Variants in SLC7A8 observed in about 807,000 individuals in gnomAD.
The protein encoded by SLC7A8 is solute carrier family 7 member 8.
Under a neutral mutation model 51.2 loss-of-function variants are expected in SLC7A8, and 30 were observed. That is an observed-to-expected ratio of 0.59 (90% CI 0.44 to 0.80). The LOEUF is 0.80. Ranked by LOEUF, SLC7A8 falls within the 30% of genes least tolerant of loss-of-function variation. The pLI, the probability that SLC7A8 is intolerant of heterozygous loss-of-function variation, is 0.00. For missense variants in SLC7A8, 612 were observed against 674.4 expected (o/e 0.91, Z 1.03); for synonymous variants, 257 against 275.8 (o/e 0.93, Z 0.67).
intron 8 of SLC7A8, among the ~76,000 whole-genome samples, chr14:23,130,479 C>A (rs1230106192): frequency 6.6e-6 from 1 of 152,224 alleles, no homozygotes; most frequent in African/African-American, 2.4e-5. Context: ...ACAAAAGGTT[C>A]TGTTCTCTTG....
At chr14:23,180,072 AT>A (rs1181284855) in intron 1 of SLC7A8, among the ~76,000 whole-genome samples, 7 of 151,718 alleles carry the variant, frequency 4.6e-5, no homozygotes, top group South Asian at 2.1e-4. Context: ...CGCCCGGCTA[AT>A]TTTTTGTATT....
chr14:23,154,004 G>A (rs2048869585), intron 3 of SLC7A8, among the ~76,000 whole-genome samples: 1 of 152,174 alleles, frequency 6.6e-6, no homozygotes, highest in South Asian at 2.1e-4. Flanking sequence ...CAATGCAGAT[G>A]AGTGGGAGAG....
chr14:23,177,791 C>T (rs1876989259), intron 1 of SLC7A8, among the ~76,000 whole-genome samples: 1 of 152,190 alleles, frequency 6.6e-6, no homozygotes, highest in African/African-American at 2.4e-5. Context: ...GGGAATATTA[C>T]TTTCTTCCAC....
intron 1 of SLC7A8, among the ~76,000 whole-genome samples, chr14:23,181,971 A>G (rs572845727): frequency 6.6e-6 from 1 of 152,316 alleles, no homozygotes; most frequent in South Asian, 2.1e-4. Flanking sequence ...CAGGTTCCCC[A>G]CCTTCAGCAC....
intron 4 of SLC7A8, 65 bp downstream of exon 4, chr14:23,143,014 T>C: frequency 6.3e-7 from 1 of 1,585,312 alleles, no homozygotes; most frequent in East Asian, 2.3e-5. Context: ...AAAGCTGGGC[T>C]GAGAGGGTGT....
chr14:23,173,861 G>A lies in SLC7A8; in HGVS notation c.152-7321C>T, dbSNP rs28412256. 8.6e-3 allele frequency among the ~76,000 whole-genome samples: 1,300 copies of A among 151,622 alleles called. 25 individuals carry two copies. Among genetic ancestry groups the A allele is most frequent in the African/African-American group, 0.03 (1,230 of 41,290 alleles). ...CCACTGTGTTGCCCAGGCTGGTCTTGAACTCCTGGATCCAAGTGATCCTCC... is the reference window on the plus strand; with the variant it reads ...CCACTGTGTTGCCCAGGCTGGTCTTAAACTCCTGGATCCAAGTGATCCTCC... On this transcript the variant is annotated intron_variant, in intron 1 of 10. Transcript: ENST00000316902.
At chr14:23,129,487 A>G in intron 9 of SLC7A8, 163 bp downstream of exon 9, 1 of 703,160 alleles carries the variant, frequency 1.4e-6, no homozygotes, top group Non-Finnish European at 2.3e-6. Context: ...GAGAATGGAA[A>G]TAGTGGTCCC....
At chr14:23,164,853 A>G (rs1317149851) in intron 3 of SLC7A8, among the ~76,000 whole-genome samples, 2 of 152,082 alleles carry the variant, frequency 1.3e-5, no homozygotes, top group Non-Finnish European at 2.9e-5. Flanking sequence ...TTAGCCGGGC[A>G]TGGTGGCTCA....
intron 3 of SLC7A8, among the ~76,000 whole-genome samples, chr14:23,161,994 G>A (rs867171355): frequency 5.5e-5 from 8 of 146,012 alleles, no homozygotes; most frequent in Non-Finnish European, 1.0e-4. Context: ...ACTGAATACC[G>A]TATGAGAGGA....
chr14:23,142,331 C>A (rs1049242801), intron 4 of SLC7A8, among the ~76,000 whole-genome samples: 13 of 152,094 alleles, frequency 8.5e-5, no homozygotes, highest in African/African-American at 2.9e-4. Flanking sequence ...TTGGCAGGGG[C>A]CCCGGGAATG....
chr14:23,140,830 G>A (rs148780765), intron 4 of SLC7A8, among the ~76,000 whole-genome samples: 23 of 152,318 alleles, frequency 1.5e-4, no homozygotes, highest in African/African-American at 4.1e-4. Context: ...CGGAAACTAC[G>A]AGTCCAAATG....
rs571307097 is a variant in SLC7A8 at position 23,135,571 on chromosome 14, A to G, written c.1016+2350T>C. Among the ~76,000 whole-genome samples the G allele has an allele frequency of 3.2e-4, 49 of 151,804 alleles. 1 individual carries two copies. The South Asian group carries it at 9.4e-3, about 29-fold the overall frequency. ...CAACAAATTAGCCAGGCGTGGTGGCAGGCGCCTGTAGTCCCAGCTACTCGG... is the reference window on the plus strand; with the variant it reads ...CAACAAATTAGCCAGGCGTGGTGGCGGGCGCCTGTAGTCCCAGCTACTCGG... On this transcript the variant is annotated intron_variant, in intron 7 of 10. Transcript: ENST00000316902.
At chr14:23,173,134 T>C (rs1252533858) in intron 1 of SLC7A8, among the ~76,000 whole-genome samples, 1 of 152,250 alleles carries the variant, frequency 6.6e-6, no homozygotes, top group Non-Finnish European at 1.5e-5. Flanking sequence ...ATACTCACCA[T>C]GTACTAGGTT....
At position 23,183,088 on chromosome 14, in the gene SLC7A8, G is replaced by A. The variant is rs367844430; in HGVS notation, c.-174C>T. On this transcript the variant is annotated 5_prime_UTR_variant, in exon 1 of 11. Transcript: ENST00000316902. Reference sequence around the variant, plus strand: ...AGAACACGAAAAATATTCCTACTCCGCATTCACACTTTCTGGTCACTCGCG... The same window carrying A: ...AGAACACGAAAAATATTCCTACTCCACATTCACACTTTCTGGTCACTCGCG... 4 of 288,492 alleles carry A rather than the reference G, an allele frequency of 1.4e-5. No individual in the cohort carries two copies. The highest frequency in any genetic ancestry group is 7.8e-5 in the African/African-American group (3 of 38,676). 17.9% of individuals were successfully genotyped at this position (288,492 alleles called of 1,614,324 possible). A position where few individuals can be genotyped will look rare whatever the true frequency, so the allele number is the denominator to read the frequency against.
rs2048720984 is a variant in SLC7A8 at position 23,139,419 on chromosome 14, C to G, written c.912+5G>C. ...GTATGAGACTCTGGGACTTTCATTT[C>G]TTACCACAGCGACGGCGTTGGATGC... On this transcript the variant is annotated splice_donor_5th_base_variant and intron_variant, in intron 6 of 10. Coordinates refer to ENST00000316902, the MANE Select transcript of SLC7A8 (RefSeq NM_012244.4). The G allele has an allele frequency of 6.2e-7, 1 of 1,613,948 alleles. No homozygotes were observed. The highest frequency in any genetic ancestry group is 8.5e-7 in the Non-Finnish European group (1 of 1,179,878).
chr14:23,134,582 G>A (rs1050738623), intron 7 of SLC7A8, among the ~76,000 whole-genome samples: 1 of 151,412 alleles, frequency 6.6e-6, no homozygotes, highest in Admixed American at 6.6e-5. Context: ...TTTAGAGATG[G>A]GGTCTTGCTC....
rs2048943425 is a variant in SLC7A8 at position 23,165,272 on chromosome 14, A to G, written c.508+13T>C. 1.9e-6 allele frequency: 3 copies of G among 1,606,104 alleles called. No individual in the cohort carries two copies. The highest frequency in any genetic ancestry group is 2.5e-6 in the Non-Finnish European group (3 of 1,177,000). ...AGAGGCTGTCTTGCTACCAAGACCC[A>G]GATGACACTTACATAAGCAGATGGC... On this transcript the variant is annotated intron_variant, in intron 3 of 10. Transcript: ENST00000316902. The surrounding 1 kb of genome is among the most constrained non-coding windows in gnomAD (Gnocchi z 4.2).
chr14:23,138,157 G>T (rs760711189), intron 6 of SLC7A8, 133 bp from the exon 7 acceptor site: 28 of 1,131,874 alleles, frequency 2.5e-5, no homozygotes, highest in Non-Finnish European at 3.3e-5. Context: ...CTTCTTAATT[G>T]CCCCCACCCT....
intron 3 of SLC7A8, chr14:23,154,343 G>C (rs1250283502): frequency 2.0e-6 from 2 of 999,992 alleles, no homozygotes; most frequent in Non-Finnish European, 2.4e-6. Flanking sequence ...TGGAGCAAAA[G>C]GGGTGAGGCA....
Sources: allele counts gnomAD v4.1 joint callset (sites outside exome capture counted in the v4.1 genomes callset), GRCh38; gene constraint gnomAD v4.1.1; non-coding constraint Gnocchi (gnomAD v3.1); transcripts MANE v1.5; gene names NCBI Gene and HGNC (gene_info 2026-07-23, HGNC 2026-07-21).